AGBL4: variants seen among roughly 807,000 people sequenced by gnomAD.
The protein encoded by AGBL4 is cytosolic carboxypeptidase 6.
A neutral mutation model predicts 66.4 loss-of-function variants in AGBL4; 58 were observed. The observed-to-expected ratio is 0.87, with a 90% CI of 0.71 to 1.09. The LOEUF (loss-of-function observed/expected upper bound fraction) is 1.09. Among genes scored for constraint, AGBL4 ranks in the 50% least tolerant of loss-of-function variants. The pLI is 0.00. For missense variants in AGBL4, 579 were observed against 631.0 expected (o/e 0.92, Z 0.88); for synonymous variants, 234 against 222.9 (o/e 1.05, Z -0.44).
chr1:50,013,653 A>C (rs1408106294), intron 1 of AGBL4, among the ~76,000 whole-genome samples: 2 of 152,232 alleles, frequency 1.3e-5, no homozygotes, highest in African/African-American at 4.8e-5. Context: ...ACAGTATTAC[A>C]GCTTAGGAAC....
chr1:49,463,474 C>T (rs1646559733), intron 3 of AGBL4, among the ~76,000 whole-genome samples: 1 of 151,732 alleles, frequency 6.6e-6, no homozygotes, highest in Admixed American at 6.6e-5. Flanking sequence ...AGGGACCCAG[C>T]AGCTTACTGC....
intron 3 of AGBL4, among the ~76,000 whole-genome samples, chr1:49,464,957 G>T (rs192884807): frequency 9.2e-4 from 140 of 151,542 alleles, no homozygotes; most frequent in Non-Finnish European, 1.6e-3. Flanking sequence ...GTACTGGATA[G>T]GTTTCTATTA....
chr1:49,377,248 A>C (rs915772426), intron 3 of AGBL4, among the ~76,000 whole-genome samples: 1 of 152,118 alleles, frequency 6.6e-6, no homozygotes, highest in African/African-American at 2.4e-5. Flanking sequence ...GACTAGAAAA[A>C]TCAGGACAGT....
intron 5 of AGBL4, among the ~76,000 whole-genome samples, chr1:48,946,796 G>A (rs969764659): frequency 2.6e-5 from 4 of 152,190 alleles, no homozygotes; most frequent in Non-Finnish European, 5.9e-5. Flanking sequence ...ACAGAGCTGG[G>A]AGGGCTTGAT....
chr1:49,198,746 GT>G lies in AGBL4; in HGVS notation c.377+47023del, dbSNP rs988144420. On this transcript the variant is annotated intron_variant, in intron 4 of 13. Transcript: ENST00000371839. ...TTTTGATAAGTTTTTAAAAACTTGC[GT>G]TTTTTTTTTTTCTAGTTACCTGACC... Among the ~76,000 whole-genome samples, 468 of 144,158 alleles carry G rather than the reference GT, an allele frequency of 3.2e-3. 5 individuals carry two copies. The highest frequency in any genetic ancestry group is 4.4e-3 in the East Asian group (22 of 4,954). The allele number at this position is 144,158 out of a possible 152,430, so 94.6% of individuals were successfully genotyped here. A position where few individuals can be genotyped will look rare whatever the true frequency, so the allele number is the denominator to read the frequency against.
At chr1:48,739,593 G>A (rs1343496581) in intron 6 of AGBL4, among the ~76,000 whole-genome samples, 1 of 152,120 alleles carries the variant, frequency 6.6e-6, no homozygotes, top group Non-Finnish European at 1.5e-5. Context: ...TTCTACCTGC[G>A]TGCTGGTTAA....
rs537929391 is a variant in AGBL4 at position 49,642,329 on chromosome 1, C to G, written c.282+54984G>C. ...GATGATAATCCTAAGAGATTAGAAA[C>G]AAATCATTTGAGCCCTATGATTGTC... On this transcript the variant is annotated intron_variant, in intron 3 of 13. Coordinates refer to ENST00000371839, the MANE Select transcript of AGBL4 (RefSeq NM_032785.4). Among the ~76,000 whole-genome samples the G allele has an allele frequency of 7.9e-5, 12 of 151,968 alleles. No individual in the cohort carries two copies. In the South Asian group the frequency reaches 2.5e-3, roughly 32 times the overall value.
chr1:48,587,254 G>T (rs930527657), intron 10 of AGBL4, 88 bp from the exon 11 acceptor site: 1 of 1,336,114 alleles, frequency 7.5e-7, no homozygotes, highest in Non-Finnish European at 1.0e-6. Context: ...CTGGGTCTCA[G>T]CTTCACTGTC....
intron 1 of AGBL4, among the ~76,000 whole-genome samples, chr1:49,878,288 T>C (rs1156363553): frequency 6.7e-6 from 1 of 150,340 alleles, no homozygotes; most frequent in Non-Finnish European, 1.5e-5. Context: ...CTTTCTCTTG[T>C]GGGCATTTAG....
chr1:49,822,923 A>T (rs1384746524), intron 2 of AGBL4, among the ~76,000 whole-genome samples: 1 of 152,182 alleles, frequency 6.6e-6, no homozygotes, highest in Non-Finnish European at 1.5e-5. Context: ...TTAATGGATT[A>T]TAAGTTGAAA....
intron 5 of AGBL4, among the ~76,000 whole-genome samples, chr1:48,938,758 C>G (rs1018066271): frequency 6.6e-6 from 1 of 152,182 alleles, no homozygotes; most frequent in Non-Finnish European, 1.5e-5. Context: ...ACGCCAAACT[C>G]CAAGTATCAC....
intron 2 of AGBL4, among the ~76,000 whole-genome samples, chr1:49,702,373 C>T (rs1168147791): frequency 6.6e-6 from 1 of 152,044 alleles, no homozygotes; most frequent in East Asian, 1.9e-4. Flanking sequence ...TGCCTGTAGT[C>T]CCAGCTACTC....
intron 1 of AGBL4, among the ~76,000 whole-genome samples, chr1:49,859,890 T>G (rs1646526727): frequency 6.6e-6 from 1 of 152,014 alleles, no homozygotes. Context: ...CTCAGAAAGA[T>G]TAAAGGACAA....
At chr1:48,629,132 A>G (rs539687888) in intron 9 of AGBL4, among the ~76,000 whole-genome samples, 2 of 152,304 alleles carry the variant, frequency 1.3e-5, no homozygotes, top group South Asian at 4.1e-4. Context: ...CCTGACAAGT[A>G]CATAGTTAGA....
rs199847926 is a variant in AGBL4 at position 49,489,385 on chromosome 1, A to G, written c.282+207928T>C. 7.3e-5 allele frequency among the ~76,000 whole-genome samples: 11 copies of G among 151,304 alleles called. No homozygotes were observed. The East Asian group carries it at 1.8e-3, about 24-fold the overall frequency. On this transcript the variant is annotated intron_variant, in intron 3 of 13. Coordinates refer to ENST00000371839, the MANE Select transcript of AGBL4 (RefSeq NM_032785.4). ...TTATTTTTTTAAATCAGATTATTAGATTTTTTTCCAGTATAGTTGTTTTCC... is the reference window on the plus strand; with the variant it reads ...TTATTTTTTTAAATCAGATTATTAGGTTTTTTTCCAGTATAGTTGTTTTCC...
intron 3 of AGBL4, among the ~76,000 whole-genome samples, chr1:49,397,975 G>C (rs1645005701): frequency 6.6e-6 from 1 of 152,160 alleles, no homozygotes; most frequent in Non-Finnish European, 1.5e-5. Flanking sequence ...AATATAAAAA[G>C]GCTACAAGTA....
At chr1:49,186,728 C>A (rs1489106980) in intron 4 of AGBL4, among the ~76,000 whole-genome samples, 1 of 152,048 alleles carries the variant, frequency 6.6e-6, no homozygotes, top group East Asian at 1.9e-4. Flanking sequence ...TTTACTCAGC[C>A]CTGGAAGATG....
chr1:49,325,697 C>T (rs1047167100), intron 3 of AGBL4, among the ~76,000 whole-genome samples: 1 of 152,176 alleles, frequency 6.6e-6, no homozygotes, highest in African/African-American at 2.4e-5. Context: ...ATCTGTGTCT[C>T]CACCAAATCT....
chr1:49,405,504 T>G (rs1262464864), intron 3 of AGBL4, among the ~76,000 whole-genome samples: 1 of 152,240 alleles, frequency 6.6e-6, no homozygotes, highest in African/African-American at 2.4e-5. Flanking sequence ...TGCAAATTAT[T>G]GAACCATGGT....
Sources: gnomAD v4.1 joint callset for allele counts (sites outside exome capture counted in the v4.1 genomes callset) on GRCh38, gnomAD v4.1.1 for gene constraint, MANE v1.5 for transcripts, NCBI Gene and HGNC (gene_info 2026-07-23, HGNC 2026-07-21) for gene names.